PAPPA2: variants seen among roughly 807,000 people sequenced by gnomAD.
PAPPA2 encodes pappalysin 2.
Under a neutral mutation model 176.4 loss-of-function variants are expected in PAPPA2, and 86 were observed. The observed-to-expected ratio is 0.49, with a 90% CI of 0.41 to 0.58. PAPPA2 has a LOEUF of 0.58. PAPPA2 is among the 20% of genes least tolerant of loss of function. PAPPA2 has a pLI of 0.00. For synonymous variants in PAPPA2, 809 were observed against 852.2 expected (o/e 0.95, Z 0.88); for missense variants, 2,073 against 2,256.9 (o/e 0.92, Z 1.65).
At chr1:176,677,123 A>T (rs1043680040) in intron 4 of PAPPA2, among the ~76,000 whole-genome samples, 1 of 152,178 alleles carries the variant, frequency 6.6e-6, no homozygotes, top group Non-Finnish European at 1.5e-5. Context: ...TTCAATCATA[A>T]CTGATTAAAC....
At position 176,556,759 on chromosome 1, in the gene PAPPA2, C is replaced by T. The variant is rs1324894003; in HGVS notation, c.437C>T (p.Ala146Val). ...TCTGAGCTGCTGGGAGATGATGACG[C>T]TTATCTCGGCAATCAAAGATCCAAG... ...GQSELLGDDD[A>V]YLGNQRSKES... is the part of the protein sequence containing the mutation. The change falls in exon 2 of 23, where the codon GCT becomes GTT. Residue 146 changes from alanine to valine, a missense_variant. By Grantham distance (64) the Ala-to-Val change is moderately conservative. Coordinates refer to ENST00000367662, the MANE Select transcript of PAPPA2 (RefSeq NM_020318.3). 1 of 1,614,118 alleles carries T rather than the reference C, an allele frequency of 6.2e-7. No homozygotes were observed. Among genetic ancestry groups the T allele is most frequent in the Non-Finnish European group, 8.5e-7 (1 of 1,180,008 alleles).
chr1:176,699,560 G>A lies in PAPPA2; in HGVS notation c.3207G>A (p.Val1069=), dbSNP rs780349784. 1 of 1,608,164 alleles carries A rather than the reference G, an allele frequency of 6.2e-7. No individual in the cohort carries two copies. The change falls in exon 8 of 23, where the codon GTG becomes GTA. Residue 1069 remains valine (V), a synonymous_variant. Coordinates refer to ENST00000367662, the MANE Select transcript of PAPPA2 (RefSeq NM_020318.3). Reference sequence around the variant, plus strand: ...TTGCCAGTGGTTTGCCCGTGGTGGTGACACATTCTCACAGGAAGTTCACGG... The same window carrying A: ...TTGCCAGTGGTTTGCCCGTGGTGGTAACACATTCTCACAGGAAGTTCACGG... ...PPFASGLPVV[V]THSHRKFTDV...
At chr1:176,579,130 G>A (rs1479913260) in intron 2 of PAPPA2, among the ~76,000 whole-genome samples, 1 of 152,152 alleles carries the variant, frequency 6.6e-6, no homozygotes, top group Non-Finnish European at 1.5e-5. Context: ...GGGGAGAGGG[G>A]AGCTTTCTAG....
At chr1:176,601,382 C>A (rs892019070) in intron 3 of PAPPA2, among the ~76,000 whole-genome samples, 81 of 152,290 alleles carry the variant, frequency 5.3e-4, no homozygotes, top group African/African-American at 1.9e-3. Context: ...CCACCCCCAG[C>A]AAGAAACCAG....
chr1:176,717,252 C>A (rs1286649026), intron 12 of PAPPA2, among the ~76,000 whole-genome samples: 1 of 152,126 alleles, frequency 6.6e-6, no homozygotes, highest in African/African-American at 2.4e-5. Flanking sequence ...AAGAAGCCAG[C>A]CAAAACCAGC....
At chr1:176,789,459 G>A (rs946244307) in intron 17 of PAPPA2, among the ~76,000 whole-genome samples, 1 of 151,980 alleles carries the variant, frequency 6.6e-6, no homozygotes, top group African/African-American at 2.4e-5. Flanking sequence ...GCTAAATGAC[G>A]AGTTAATGGG....
intron 2 of PAPPA2, among the ~76,000 whole-genome samples, chr1:176,562,828 G>A (rs1651752722): frequency 1.3e-5 from 2 of 152,210 alleles, no homozygotes; most frequent in South Asian, 2.1e-4. Context: ...CTCAAGAAGA[G>A]AGTAACATGG....
Position 176,550,621 on chromosome 1 carries a change from C to G in PAPPA2, c.-916-4786C>G, listed in dbSNP as rs536343777. Among the ~76,000 whole-genome samples the G allele has an allele frequency of 4.6e-5, 7 of 152,266 alleles. No individual in the cohort carries two copies. In the South Asian group the frequency reaches 1.5e-3, roughly 32 times the overall value. On this transcript the variant is annotated intron_variant, in intron 1 of 22. Transcript: ENST00000367662. ...CGAGGTGTTGGGAAACTTAACCTGT[C>G]CATGACATACTTTGATCTATTTGGA...
intron 1 of PAPPA2, among the ~76,000 whole-genome samples, chr1:176,538,303 G>A (rs1359338932): frequency 1.3e-5 from 2 of 152,172 alleles, no homozygotes; most frequent in African/African-American, 4.8e-5. Context: ...AGTGAACCAA[G>A]CACTTCACAT....
rs370182676 is a variant in PAPPA2, at chr1:176,710,210, C to T, written c.3651+34C>T. The T allele has an allele frequency of 3.8e-4, 608 of 1,583,472 alleles. 4 individuals carry two copies. The African/African-American group carries it at 7.0e-3, about 18-fold the overall frequency. On this transcript the variant is annotated intron_variant, in intron 11 of 22. Coordinates refer to ENST00000367662, the MANE Select transcript of PAPPA2 (RefSeq NM_020318.3). ...AGCCAGATGAATAGAGTCGAGCCTG[C>T]GCAAAATTGTAAAGTGACTCCCCCT...
At chr1:176,599,932 C>T (rs1654214749) in intron 3 of PAPPA2, among the ~76,000 whole-genome samples, 2 of 152,084 alleles carry the variant, frequency 1.3e-5, no homozygotes, top group Non-Finnish European at 2.9e-5. Context: ...TCTTTCTTCT[C>T]AGCTCTCTTA....
In PAPPA2 at chr1:176,506,832, TA is replaced by T. The variant is rs903195333; in HGVS notation, c.-917+43419del. Among the ~76,000 whole-genome samples, 3 of 152,164 alleles carry T rather than the reference TA, an allele frequency of 2.0e-5. 1 individual carries two copies. Among genetic ancestry groups the T allele is most frequent in the Non-Finnish European group, 4.4e-5 (3 of 67,968 alleles). Reference sequence around the variant, plus strand: ...TTTGGCTTTGTAAGACCTCAAACTATAAAAATCCTAGAAGAAAAGCTACAAA... The same window carrying T: ...TTTGGCTTTGTAAGACCTCAAACTATAAAATCCTAGAAGAAAAGCTACAAA... On this transcript the variant is annotated intron_variant, in intron 1 of 22. Transcript: ENST00000367662.
intron 3 of PAPPA2, among the ~76,000 whole-genome samples, chr1:176,653,439 T>C (rs1657859655): frequency 6.6e-6 from 1 of 151,744 alleles, no homozygotes; most frequent in Non-Finnish European, 1.5e-5. Context: ...AAGTGAAGCC[T>C]GAGACAGGAA....
At chr1:176,692,027 G>A in intron 5 of PAPPA2, 99 bp from the exon 6 acceptor site, 5 of 1,177,542 alleles carry the variant, frequency 4.2e-6, no homozygotes, top group South Asian at 1.4e-5. Flanking sequence ...AGCCTAATAA[G>A]TTAACTCAGC....
intron 21 of PAPPA2, among the ~76,000 whole-genome samples, chr1:176,827,093 A>G (rs557392164): frequency 6.6e-6 from 1 of 152,306 alleles, no homozygotes; most frequent in Admixed American, 6.5e-5. Flanking sequence ...TTTCCTTCAC[A>G]AAACCCCTCC....
chr1:176,711,029 T>A (rs1450570843), intron 11 of PAPPA2, among the ~76,000 whole-genome samples: 1 of 152,140 alleles, frequency 6.6e-6, no homozygotes, highest in Non-Finnish European at 1.5e-5. Context: ...GCCAGCTGAG[T>A]CTTTCCCTTT....
chr1:176,695,686 C>T lies in PAPPA2; in HGVS notation c.2625-52C>T, dbSNP rs756790605. 3.1e-6 allele frequency: 5 copies of T among 1,598,978 alleles called. No homozygotes were observed. In the African/African-American group the frequency reaches 5.4e-5, roughly 17 times the overall value. ...GGTCTTTCTAATTTTCTTATCCCAACTCATCTGATGGACTCTCCTCATCTC... is the reference window on the plus strand; with the variant it reads ...GGTCTTTCTAATTTTCTTATCCCAATTCATCTGATGGACTCTCCTCATCTC... On this transcript the variant is annotated intron_variant, in intron 6 of 22. Transcript: ENST00000367662.
At chr1:176,479,572 C>T (rs938924915) in intron 1 of PAPPA2, among the ~76,000 whole-genome samples, 1 of 152,110 alleles carries the variant, frequency 6.6e-6, no homozygotes, top group Non-Finnish European at 1.5e-5. Context: ...GCTATGTGTA[C>T]CCTTGGGCAT....
chr1:176,747,587 G>A (rs992275325), intron 14 of PAPPA2, among the ~76,000 whole-genome samples: 2 of 152,184 alleles, frequency 1.3e-5, no homozygotes, highest in Admixed American at 1.3e-4. Flanking sequence ...AGATTAAAGT[G>A]CATCTAACCC....
Sources: gnomAD v4.1 joint callset for allele counts (sites outside exome capture counted in the v4.1 genomes callset) on GRCh38, gnomAD v4.1.1 for gene constraint, MANE v1.5 for transcripts, NCBI Gene and HGNC (gene_info 2026-07-23, HGNC 2026-07-21) for gene names.